ADARB2: variants seen among roughly 807,000 people sequenced by gnomAD.
ADARB2 encodes the protein adenosine deaminase RNA specific B2 (inactive), also known as inactive double-stranded RNA-specific editase B2.
In ADARB2, 25 loss-of-function variants were observed where a neutral mutation model predicts 62.2. The observed-to-expected ratio is 0.40, with a 90% CI of 0.29 to 0.56. The LOEUF is 0.56. Ranked by LOEUF, ADARB2 falls within the 20% of genes least tolerant of loss-of-function variation. ADARB2 has a pLI of 0.43. For missense variants in ADARB2, 1,071 were observed against 1,077.4 expected, an observed-to-expected ratio of 0.99 and a Z score of 0.08; for synonymous variants, 572 against 500.8, an observed-to-expected ratio of 1.14 and a Z score of -1.90.
intron 1 of ADARB2, among the ~76,000 whole-genome samples, chr10:1,588,360 GTGA>G (rs943587479): frequency 1.3e-5 from 2 of 152,192 alleles, no homozygotes; most frequent in Non-Finnish European, 2.9e-5. Context: ...CCTGGATTTG[GTGA>G]TCAACAAAGC....
rs1163766078 is a variant in ADARB2, at chr10:1,233,968, TTTTTTTTTCC to T, written c.1362-133_1362-124del. 445 of 859,982 alleles carry T rather than the reference TTTTTTTTTCC, an allele frequency of 5.2e-4. 17 individuals are homozygous for T. The African/African-American group carries it at 0.017, about 33-fold the overall frequency. 53.3% of individuals were successfully genotyped at this position (859,982 alleles called of 1,614,324 possible). A position where few individuals can be genotyped will look rare whatever the true frequency, so the allele number is the denominator to read the frequency against. The stretch of plus-strand genomic sequence containing the variant: ...CCAAGTTTTCCTTTATATTTTTCCT[TTTTTTTTTCC>T]TTTTTTTTTTGAGACGGAGTCTTGT... On this transcript the variant is annotated intron_variant, in intron 5 of 9. Transcript: ENST00000381312.
chr10:1,222,074 A>C (rs1156865759), intron 6 of ADARB2, among the ~76,000 whole-genome samples: 4 of 152,192 alleles, frequency 2.6e-5, no homozygotes, highest in South Asian at 4.1e-4. Context: ...CCTCTCCAGC[A>C]CCTGTTGTTT....
chr10:1,244,453 G>A (rs1280590593), intron 4 of ADARB2, among the ~76,000 whole-genome samples: 1 of 152,184 alleles, frequency 6.6e-6, no homozygotes, highest in Non-Finnish European at 1.5e-5. Context: ...TTTGGATTCC[G>A]TGGAAATTGG....
chr10:1,356,033 G>T (rs1372583434), intron 3 of ADARB2, among the ~76,000 whole-genome samples: 2 of 152,154 alleles, frequency 1.3e-5, no homozygotes, highest in African/African-American at 4.8e-5. Flanking sequence ...AGCCTCTAGT[G>T]CCTCATTAAG....
chr10:1,615,557 C>G (rs1232882958), intron 1 of ADARB2, among the ~76,000 whole-genome samples: 4 of 152,242 alleles, frequency 2.6e-5, no homozygotes, highest in Admixed American at 1.3e-4. Context: ...TTCCCTCAGT[C>G]AGAAGGCACA....
intron 3 of ADARB2, among the ~76,000 whole-genome samples, chr10:1,314,458 C>CTCT (rs1189619624): frequency 2.0e-5 from 3 of 152,170 alleles, no homozygotes; most frequent in Admixed American, 6.5e-5. Flanking sequence ...CCTCCTCCTC[C>CTCT]TCCTCCTCCT....
intron 1 of ADARB2, among the ~76,000 whole-genome samples, chr10:1,627,414 T>C (rs796138526): frequency 6.6e-6 from 1 of 152,146 alleles, no homozygotes; most frequent in Admixed American, 6.5e-5. Flanking sequence ...CTCTCTCTCA[T>C]CACCTTCTTA....
chr10:1,542,932 C>G (rs1199355889), intron 1 of ADARB2, among the ~76,000 whole-genome samples: 2 of 151,800 alleles, frequency 1.3e-5, no homozygotes, highest in Non-Finnish European at 2.9e-5. Context: ...GGATCACAGC[C>G]GTCCAGACCC....
At chr10:1,717,341 C>G (rs927002519) in intron 1 of ADARB2, among the ~76,000 whole-genome samples, 2 of 151,454 alleles carry the variant, frequency 1.3e-5, no homozygotes, top group African/African-American at 4.9e-5. Context: ...GCAGCTGGGC[C>G]TGTGTCAGTG....
chr10:1,581,009 A>G (rs1194727671), intron 1 of ADARB2, among the ~76,000 whole-genome samples: 2 of 152,204 alleles, frequency 1.3e-5, no homozygotes, highest in East Asian at 3.8e-4. Context: ...TCCTATTCTG[A>G]ATAAAGCCGC....
At chr10:1,572,064 C>T (rs1832946121) in intron 1 of ADARB2, among the ~76,000 whole-genome samples, 1 of 137,468 alleles carries the variant, frequency 7.3e-6, no homozygotes, top group South Asian at 2.4e-4. Context: ...GGGGAGTGTG[C>T]AGGTGAGTGG....
intron 8 of ADARB2, chr10:1,186,599 G>A (rs780490498): frequency 5.8e-6 from 3 of 517,626 alleles, no homozygotes; most frequent in Non-Finnish European, 3.9e-6. Context: ...CTGCCTTCCT[G>A]GCCTGCTGTC....
intron 1 of ADARB2, among the ~76,000 whole-genome samples, chr10:1,572,807 T>C (rs1165066502): frequency 6.6e-6 from 1 of 152,156 alleles, no homozygotes; most frequent in Non-Finnish European, 1.5e-5. Context: ...AGCCAGGACT[T>C]CCCCTGCGTG....
intron 3 of ADARB2, among the ~76,000 whole-genome samples, chr10:1,350,264 A>G (rs543177543): frequency 6.6e-6 from 1 of 152,186 alleles, no homozygotes; most frequent in Non-Finnish European, 1.5e-5. Flanking sequence ...TCTGTTCCCA[A>G]TGCAACTCAT....
intron 4 of ADARB2, among the ~76,000 whole-genome samples, chr10:1,252,417 G>A (rs867620420): frequency 6.6e-5 from 10 of 152,322 alleles, no homozygotes; most frequent in Middle Eastern, 3.4e-3. Flanking sequence ...CTTGCCTTGA[G>A]AAAGACTCTT....
At chr10:1,658,188 A>G (rs2119082532) in intron 1 of ADARB2, among the ~76,000 whole-genome samples, 1 of 139,126 alleles carries the variant, frequency 7.2e-6, no homozygotes, top group East Asian at 2.2e-4. Context: ...CTCTATCTCT[A>G]TCTGATTGTC....
intron 1 of ADARB2, among the ~76,000 whole-genome samples, chr10:1,682,536 G>A (rs1380415588): frequency 6.6e-6 from 1 of 152,116 alleles, no homozygotes; most frequent in East Asian, 1.9e-4. Context: ...TCATCCCCTC[G>A]GTTGGCCATT....
chr10:1,730,641 C>A (rs951172158), intron 1 of ADARB2, among the ~76,000 whole-genome samples: 2 of 150,932 alleles, frequency 1.3e-5, no homozygotes, highest in Non-Finnish European at 3.0e-5. Flanking sequence ...TCTTTCTCTT[C>A]GAACTTAAGC....
At chr10:1,453,657 C>G (rs1232897622) in intron 1 of ADARB2, among the ~76,000 whole-genome samples, 1 of 152,106 alleles carries the variant, frequency 6.6e-6, no homozygotes, top group Non-Finnish European at 1.5e-5. Context: ...AACACACACA[C>G]AAAACAAAGA....
Sources: gnomAD v4.1 joint callset for allele counts (sites outside exome capture counted in the v4.1 genomes callset) on GRCh38, gnomAD v4.1.1 for gene constraint, MANE v1.5 for transcripts, NCBI Gene and HGNC (gene_info 2026-07-23, HGNC 2026-07-21) for gene names.